RAB32: variants seen among roughly 807,000 people sequenced by gnomAD.
RAB32 encodes the protein RAB32, member RAS oncogene family.
A neutral mutation model predicts 17.5 loss-of-function variants in RAB32; 17 were observed. That is an observed-to-expected ratio of 0.97 (90% CI 0.67 to 1.46). The LOEUF (loss-of-function observed/expected upper bound fraction) is 1.46. Among genes scored for constraint, RAB32 ranks in the 40% most tolerant of loss-of-function variants. The pLI, the probability that RAB32 is intolerant of heterozygous loss-of-function variation, is 0.00. For missense variants in RAB32, 288 were observed against 284.3 expected (o/e 1.01, Z -0.09); for synonymous variants, 115 against 111.1 (o/e 1.04, Z -0.22).
intron 1 of RAB32, among the ~76,000 whole-genome samples, chr6:146,544,992 C>A (rs1236396334): frequency 6.6e-6 from 1 of 152,116 alleles, no homozygotes; most frequent in Admixed American, 6.6e-5. Context: ...CCTGTAATCC[C>A]AGCACTTTGG....
chr6:146,549,873 G>A lies in RAB32; in HGVS notation c.528+132G>A, dbSNP rs1002557666. The A allele has an allele frequency of 6.6e-6, 7 of 1,059,400 alleles. No individual in the cohort carries two copies. The Middle Eastern group carries it at 9.1e-4, about 138-fold the overall frequency. The allele number at this position is 1,059,400 out of a possible 1,614,324, so 65.6% of individuals were successfully genotyped here. ...AAAATGAGAAGTGTAGCATGGATGTGTTATAGCTTCTTTCAGTCCACAACA... is the reference window on the plus strand; with the variant it reads ...AAAATGAGAAGTGTAGCATGGATGTATTATAGCTTCTTTCAGTCCACAACA... On this transcript the variant is annotated intron_variant, in intron 2 of 2. Transcript: ENST00000367495.
intron 1 of RAB32, 132 bp downstream of exon 1, chr6:146,544,253 C>A: frequency 8.0e-7 from 1 of 1,246,558 alleles, no homozygotes; most frequent in Non-Finnish European, 1.1e-6. Context: ...AGGCCCAATC[C>A]AAGGGCGAGA....
chr6:146,544,255 A>G, intron 1 of RAB32, 134 bp downstream of exon 1: 1 of 1,200,766 alleles, frequency 8.3e-7, no homozygotes, highest in Non-Finnish European at 1.1e-6. Flanking sequence ...GCCCAATCCA[A>G]GGGCGAGATG....
At chr6:146,554,427 TAATC>T (rs1779933967) in intron 2 of RAB32, 25 bp from the exon 3 acceptor site, 1 of 1,578,942 alleles carries the variant, frequency 6.3e-7, no homozygotes, top group Non-Finnish European at 8.6e-7. Context: ...TCCTAAAAAT[TAATC>T]CCGTTCTTCA....
At chr6:146,544,701 T>G (rs952601460) in intron 1 of RAB32, among the ~76,000 whole-genome samples, 12 of 151,456 alleles carry the variant, frequency 7.9e-5, no homozygotes, top group African/African-American at 2.9e-4. Flanking sequence ...GGAAAGCTTT[T>G]CTGAAACCTT....
chr6:146,554,529 A>G lies in RAB32; in HGVS notation c.602A>G (p.Asn201Ser), dbSNP rs752385689. 6.2e-7 allele frequency: 1 copy of G among 1,613,998 alleles called. No homozygotes were observed. The highest frequency in any genetic ancestry group is 1.3e-5 in the African/African-American group (1 of 75,048). The change falls in exon 3 of 3, where the codon AAT (asparagine) becomes AGT (serine). Residue 201 changes from asparagine (N) to serine (S), a missense_variant. By Grantham distance (46) the Asn-to-Ser change is conservative (BLOSUM62 1). Coordinates refer to ENST00000367495, the MANE Select transcript of RAB32 (RefSeq NM_006834.5). ...CTTGTAAACCACCAAAGCTTTCCTA[A>G]TGAAGAAAACGATGTGGACAAAATT... The part of the protein sequence containing the change: ...KILVNHQSFP[N>S]EENDVDKIKL...
In RAB32 at chr6:146,549,519, T is replaced by C. The variant is rs754165707; in HGVS notation, c.306T>C (p.Ala102=). ...TATACTACAAGGAAGCTGTTGGTGC[T>C]TTTGTAGTCTTTGATATATCAAGAA... The part of the protein sequence containing the change: ...TRVYYKEAVG[A]FVVFDISRSS... Residue 102 remains alanine (A), a synonymous_variant, in exon 2 of 3, where the codon GCT becomes GCC. Transcript: ENST00000367495. 1.9e-6 allele frequency: 3 copies of C among 1,614,130 alleles called. 1 individual carries two copies. The South Asian group carries it at 3.3e-5, about 18-fold the overall frequency.
intron 1 of RAB32, among the ~76,000 whole-genome samples, chr6:146,548,279 C>T (rs1009772783): frequency 2.6e-5 from 4 of 152,112 alleles, no homozygotes; most frequent in African/African-American, 9.7e-5. Context: ...TATGCATTCA[C>T]GTTTGACCAT....
Position 146,549,592 on chromosome 6 carries a change from A to G in RAB32, c.379A>G (p.Lys127Glu). The stretch of plus-strand genomic sequence containing the variant: ...AAAATGGAAAAGTGATCTGGATAGT[A>G]AAGTTCATCTTCCAAATGGCAGCCC... The part of the protein sequence containing the change: ...VLKWKSDLDS[K>E]VHLPNGSPIP... The change falls in exon 2 of 3, where the codon AAA becomes GAA. Residue 127 changes from lysine to glutamate, a missense_variant. Physicochemically the swap from Lys to Glu is moderately conservative, Grantham distance 56. Transcript: ENST00000367495. 1.9e-6 allele frequency: 3 copies of G among 1,614,196 alleles called. No homozygotes were observed. The highest frequency in any genetic ancestry group is 2.5e-6 in the Non-Finnish European group (3 of 1,180,020).
At chr6:146,550,442 G>C (rs967803290) in intron 2 of RAB32, among the ~76,000 whole-genome samples, 1 of 151,990 alleles carries the variant, frequency 6.6e-6, no homozygotes, top group African/African-American at 2.4e-5. Flanking sequence ...CAGATCGCTT[G>C]AACTGGGAGT....
chr6:146,544,397 G>A (rs919791356), intron 1 of RAB32, among the ~76,000 whole-genome samples: 2 of 152,110 alleles, frequency 1.3e-5, no homozygotes, highest in African/African-American at 4.8e-5. Context: ...TTTTCCAGAA[G>A]TTTGAACTCT....
intron 2 of RAB32, among the ~76,000 whole-genome samples, chr6:146,550,679 T>A (rs1779885335): frequency 7.5e-6 from 1 of 134,196 alleles, no homozygotes; most frequent in Non-Finnish European, 1.6e-5. Context: ...ATCTTAATAG[T>A]CTAGATATAG....
intron 1 of RAB32, among the ~76,000 whole-genome samples, chr6:146,546,450 A>T (rs1779822009): frequency 6.6e-6 from 1 of 152,120 alleles, no homozygotes; most frequent in Non-Finnish European, 1.5e-5. Flanking sequence ...AAACAAAAAA[A>T]ACTGTTTTAG....
chr6:146,544,782 C>CT (rs933238704), intron 1 of RAB32, among the ~76,000 whole-genome samples: 1 of 132,040 alleles, frequency 7.6e-6, no homozygotes, highest in Non-Finnish European at 1.7e-5. Flanking sequence ...CCCCCCCGCC[C>CT]CCCCCCCACT....
In RAB32 at chr6:146,544,098, G is replaced by A. The variant is rs1289289447; in HGVS notation, c.227G>A (p.Arg76His). 1.9e-6 allele frequency: 3 copies of A among 1,612,492 alleles called. No homozygotes were observed. In the East Asian group the frequency reaches 6.7e-5, roughly 36 times the overall value. ...AACTGGGACAGCAGGACTCTGGTGC[G>A]CCTGCAGCTGTGGGACATCGCGGGT... Reference protein sequence around the residue: ...VLNWDSRTLVRLQLWDIAGQE... With the variant: ...VLNWDSRTLVHLQLWDIAGQE... Residue 76 changes from arginine (R) to histidine (H), a missense_variant, in exon 1 of 3, where the codon CGC (arginine) becomes CAC (histidine). Arg to His is a conservative substitution (Grantham distance 29). Transcript: ENST00000367495.
intron 2 of RAB32, among the ~76,000 whole-genome samples, chr6:146,551,647 G>A (rs1215244305): frequency 6.6e-6 from 1 of 151,418 alleles, no homozygotes; most frequent in Non-Finnish European, 1.5e-5. Context: ...GCATTTTGGT[G>A]GAGGAGTTTT....
At chr6:146,550,966 A>C (rs1472436831) in intron 2 of RAB32, among the ~76,000 whole-genome samples, 1 of 152,112 alleles carries the variant, frequency 6.6e-6, no homozygotes, top group African/African-American at 2.4e-5. Context: ...CACCCACCTC[A>C]TTCTGGATAT....
chr6:146,553,596 C>T (rs1223640988), intron 2 of RAB32, among the ~76,000 whole-genome samples: 2 of 152,086 alleles, frequency 1.3e-5, no homozygotes, highest in Non-Finnish European at 2.9e-5. Flanking sequence ...TGAAATATAG[C>T]TTATGATCCT....
In RAB32 at chr6:146,543,863, G is replaced by T. The variant is rs1332875809; in HGVS notation, c.-9G>T. ...CGGAGTCGAGGCGCGCCCGACAGCC[G>T]CAGCGCTCATGGCGGGCGGAGGAGC... On this transcript the variant is annotated 5_prime_UTR_variant, in exon 1 of 3. Transcript: ENST00000367495. The T allele has an allele frequency of 7.0e-7, 1 of 1,437,206 alleles. No homozygotes were observed. The highest frequency in any genetic ancestry group is 9.1e-7 in the Non-Finnish European group (1 of 1,097,404). The allele number at this position is 1,437,206 out of a possible 1,614,324, so 89.0% of individuals were successfully genotyped here. A position where few individuals can be genotyped will look rare whatever the true frequency, so the allele number is the denominator to read the frequency against.
Sources: allele counts gnomAD v4.1 joint callset (sites outside exome capture counted in the v4.1 genomes callset), GRCh38; gene constraint gnomAD v4.1.1; transcripts MANE v1.5; gene names NCBI Gene and HGNC (gene_info 2026-07-23, HGNC 2026-07-21).